Variants in DERL1 observed in about 807,000 individuals in gnomAD.
DERL1 encodes the protein derlin-1.
In DERL1, 24 loss-of-function variants were observed where a neutral mutation model predicts 41.6. The observed-to-expected ratio is 0.58, with a 90% CI of 0.42 to 0.81. The LOEUF (loss-of-function observed/expected upper bound fraction) is 0.81. Among genes scored for constraint, DERL1 ranks in the 30% least tolerant of loss-of-function variants. The pLI is 0.00. For missense variants in DERL1, 260 were observed against 314.3 expected, an observed-to-expected ratio of 0.83 and a Z score of 1.31; for synonymous variants, 124 against 112.5, an observed-to-expected ratio of 1.10 and a Z score of -0.65.
intron 2 of DERL1, among the ~76,000 whole-genome samples, chr8:123,028,651 A>G (rs577602332): frequency 1.3e-5 from 2 of 152,316 alleles, no homozygotes; most frequent in South Asian, 4.1e-4. Flanking sequence ...AGGTTCATTG[A>G]CTTTTCCCTC....
intron 7 of DERL1, chr8:123,017,639 A>G (rs1279474960): frequency 1.3e-5 from 2 of 152,202 alleles, no homozygotes; most frequent in African/African-American, 4.8e-5. Flanking sequence ...CAACAGAGAA[A>G]GTTCAAGTGG....
At chr8:123,025,131 G>T in intron 2 of DERL1, 81 bp from the exon 3 acceptor site, 1 of 1,445,334 alleles carries the variant, frequency 6.9e-7, no homozygotes, top group Non-Finnish European at 9.3e-7. Flanking sequence ...ACTTCAAAAA[G>T]TTACAGAAAA....
chr8:123,023,487 G>A (rs1812612815), intron 4 of DERL1, among the ~76,000 whole-genome samples: 3 of 152,154 alleles, frequency 2.0e-5, no homozygotes, highest in South Asian at 4.2e-4. Flanking sequence ...CCCGGGAGGC[G>A]GAGGTTGCAG....
chr8:123,024,199 C>T (rs904291111), intron 3 of DERL1, among the ~76,000 whole-genome samples: 1 of 152,174 alleles, frequency 6.6e-6, no homozygotes, highest in Admixed American at 6.5e-5. Context: ...TAACATCTCT[C>T]CTTCAAATAA....
At chr8:123,025,169 A>C in intron 2 of DERL1, 119 bp from the exon 3 acceptor site, 3 of 1,013,618 alleles carry the variant, frequency 3.0e-6, no homozygotes, top group Non-Finnish European at 4.3e-6. Context: ...TTTAAAAACC[A>C]CTCCTCTCTA....
chr8:123,026,688 T>C (rs964136259), intron 2 of DERL1, among the ~76,000 whole-genome samples: 2 of 152,232 alleles, frequency 1.3e-5, no homozygotes, highest in Non-Finnish European at 2.9e-5. Flanking sequence ...TGTTTTCTTA[T>C]CTATGAAATA....
In DERL1 at chr8:123,014,906, T is replaced by G. The variant is rs112674565; in HGVS notation, c.*541A>C. 8.5e-5 allele frequency: 13 copies of G among 152,366 alleles called. No homozygotes were observed. The highest frequency in any genetic ancestry group is 2.9e-4 in the African/African-American group (12 of 41,582). The allele number at this position is 152,366 out of a possible 1,614,324, so 9.4% of individuals were successfully genotyped here. ...GCTGCTTGTCTTCTCCCCCTATTGC[T>G]ACAGTTCTGCCACCAAAGGGGGAAA... On this transcript the variant is annotated 3_prime_UTR_variant, in exon 8 of 8. Transcript: ENST00000259512.
intron 1 of DERL1, among the ~76,000 whole-genome samples, chr8:123,039,774 A>C (rs1586472439): frequency 6.6e-6 from 1 of 152,314 alleles, no homozygotes. Flanking sequence ...GTGCCCAATT[A>C]CTTCCAACAA....
intron 1 of DERL1, among the ~76,000 whole-genome samples, chr8:123,036,031 G>C (rs1442120333): frequency 3.3e-5 from 5 of 152,016 alleles, no homozygotes; most frequent in Admixed American, 3.3e-4. Flanking sequence ...CAACGGGTAG[G>C]CAAGAAAAGG....
chr8:123,033,614 A>G (rs1417184103), intron 1 of DERL1, among the ~76,000 whole-genome samples: 1 of 152,160 alleles, frequency 6.6e-6, no homozygotes, highest in East Asian at 1.9e-4. Flanking sequence ...GTGGTGGCAC[A>G]TGCCTGTAAT....
chr8:123,036,450 C>T (rs1404554723), intron 1 of DERL1, among the ~76,000 whole-genome samples: 1 of 152,126 alleles, frequency 6.6e-6, no homozygotes, highest in East Asian at 1.9e-4. Flanking sequence ...CATAGTCACC[C>T]TTAGAGAGGA....
At position 123,022,739 on chromosome 8, in the gene DERL1, C is replaced by CA; in HGVS notation, c.397dup (p.Trp133LeufsTer19). 1 of 1,614,042 alleles carries CA rather than the reference C, an allele frequency of 6.2e-7. No individual in the cohort carries two copies. Among genetic ancestry groups the CA allele is most frequent in the Non-Finnish European group, 8.5e-7 (1 of 1,179,968 alleles). On this transcript the variant is annotated frameshift_variant, in exon 5 of 8. Coordinates refer to ENST00000259512, the MANE Select transcript of DERL1 (RefSeq NM_024295.6). LOFTEE classifies it high-confidence loss of function. ...AATCATGTCTCTGTTCAGCTGGGCC[C>CA]AGACATAAAGTACTGACATGATCAG...
At chr8:123,023,406 T>G (rs977290652) in intron 4 of DERL1, among the ~76,000 whole-genome samples, 1 of 151,892 alleles carries the variant, frequency 6.6e-6, no homozygotes, top group Non-Finnish European at 1.5e-5. Flanking sequence ...AATACAAAAA[T>G]TAGCCGGGTG....
chr8:123,033,857 GAAC>G lies in DERL1; in HGVS notation c.154-3144_154-3142del, dbSNP rs554264953. Among the ~76,000 whole-genome samples, 41 of 152,306 alleles carry G rather than the reference GAAC, an allele frequency of 2.7e-4. No homozygotes were observed. The South Asian group carries it at 7.9e-3, about 29-fold the overall frequency. ...AATTCACTGGCTGGCACCCCCACCAGAACAATGCTAAATAGTGATTGAAGCAGA... is the reference window on the plus strand; with the variant it reads ...AATTCACTGGCTGGCACCCCCACCAGAATGCTAAATAGTGATTGAAGCAGA... On this transcript the variant is annotated intron_variant, in intron 1 of 7. Transcript: ENST00000259512.
At chr8:123,021,356 T>C in intron 6 of DERL1, 91 bp downstream of exon 6, 2 of 1,241,340 alleles carry the variant, frequency 1.6e-6, no homozygotes. Context: ...GTTGAGATTC[T>C]TTAAAGTTGT....
At chr8:123,025,333 A>G (rs774159133) in intron 2 of DERL1, among the ~76,000 whole-genome samples, 1 of 152,226 alleles carries the variant, frequency 6.6e-6, no homozygotes, top group Non-Finnish European at 1.5e-5. Context: ...GAGAAAGTAC[A>G]GTCAATTCCA....
intron 7 of DERL1, 61 bp downstream of exon 7, chr8:123,019,134 T>C (rs1586458332): frequency 8.6e-7 from 1 of 1,161,192 alleles, no homozygotes; most frequent in South Asian, 1.3e-5. Flanking sequence ...GGAGCTCTCA[T>C]TAGGATGCAC....
rs960003269 is a variant in DERL1 at position 123,014,060 on chromosome 8, G to A, written c.*1387C>T. 4 of 152,136 alleles carry A rather than the reference G, an allele frequency of 2.6e-5. No homozygotes were observed. Among genetic ancestry groups the A allele is most frequent in the African/African-American group, 9.7e-5 (4 of 41,410 alleles). 9.4% of individuals were successfully genotyped at this position (152,136 alleles called of 1,614,324 possible). A position where few individuals can be genotyped will look rare whatever the true frequency, so the allele number is the denominator to read the frequency against. On this transcript the variant is annotated 3_prime_UTR_variant, in exon 8 of 8. Coordinates refer to ENST00000259512, the MANE Select transcript of DERL1 (RefSeq NM_024295.6). ...CAAAACGTTTGAAGCCTTTTTAGTT[G>A]CCTCAAAGTGTGACAGCCACTCAAT...
At position 123,021,433 on chromosome 8, in the gene DERL1, C is replaced by T; in HGVS notation, c.506+14G>A. On this transcript the variant is annotated intron_variant, in intron 6 of 7. Coordinates refer to ENST00000259512, the MANE Select transcript of DERL1 (RefSeq NM_024295.6). ...AGGATTAGTTTCCAATTAAATAAAT[C>T]TAATATCACTTACGAGCCTCCGATG... 1 of 1,608,942 alleles carries T rather than the reference C, an allele frequency of 6.2e-7. No individual in the cohort carries two copies. The highest frequency in any genetic ancestry group is 8.5e-7 in the Non-Finnish European group (1 of 1,175,402).
Sources: gnomAD v4.1 joint callset for allele counts (sites outside exome capture counted in the v4.1 genomes callset) on GRCh38, gnomAD v4.1.1 for gene constraint, MANE v1.5 for transcripts, NCBI Gene and HGNC (gene_info 2026-07-23, HGNC 2026-07-21) for gene names.